The following AFAP1 variants were observed in gnomAD, a reference collection of about 807,000 sequenced individuals.
AFAP1 encodes actin filament associated protein 1.
Under a neutral mutation model 93.9 loss-of-function variants are expected in AFAP1, and 75 were observed. The ratio of observed to expected loss-of-function variants is 0.80; its 90% confidence interval spans 0.66 to 0.97. The LOEUF (loss-of-function observed/expected upper bound fraction) is 0.97, where lower values mean the gene tolerates loss of function less well. Ranked by LOEUF, AFAP1 falls within the 50% of genes least tolerant of loss-of-function variation. The pLI is 0.00. For synonymous variants in AFAP1, 517 were observed against 430.7 expected (o/e 1.20, Z -2.48); for missense variants, 1,201 against 1,050.8 (o/e 1.14, Z -1.98).
At chr4:7,824,152 C>A (rs1721222164) in intron 6 of AFAP1, among the ~76,000 whole-genome samples, 1 of 152,102 alleles carries the variant, frequency 6.6e-6, no homozygotes, top group African/African-American at 2.4e-5. Context: ...AATGAGGCTT[C>A]TATTAATACA....
Position 7,783,038 on chromosome 4 carries a change from T to C in AFAP1, c.1531-1411A>G, listed in dbSNP as rs60474783. Among the ~76,000 whole-genome samples, 629 of 152,320 alleles carry C rather than the reference T, an allele frequency of 4.1e-3. 2 individuals carry two copies. The highest frequency in any genetic ancestry group is 0.015 in the African/African-American group (605 of 41,570). The stretch of plus-strand genomic sequence containing the variant: ...ACAGAAGTTTCTAGTTTAAAGTATG[T>C]GAGTGTGCACACTTTCATCTTAGTC... On this transcript the variant is annotated intron_variant, in intron 12 of 17. Coordinates refer to ENST00000420658, the MANE Select transcript of AFAP1 (RefSeq NM_001134647.2).
intron 7 of AFAP1, among the ~76,000 whole-genome samples, chr4:7,816,504 A>G (rs564016070): frequency 1.3e-5 from 2 of 152,336 alleles, no homozygotes; most frequent in South Asian, 4.1e-4. Context: ...TCATTCACCA[A>G]TAATTAATTG....
At chr4:7,833,116 A>C (rs7434453) in intron 6 of AFAP1, among the ~76,000 whole-genome samples, 102,934 of 152,062 alleles carry the variant, frequency 0.68, 35,360 homozygotes, top group African/African-American at 0.78. Context: ...GACCAAGAAC[A>C]CAAAAGCAAA....
intron 1 of AFAP1, among the ~76,000 whole-genome samples, chr4:7,898,845 CATATATATGTATGTGT>C (rs1394105351): frequency 4.0e-5 from 3 of 74,162 alleles, no homozygotes; most frequent in Non-Finnish European, 9.1e-5. Flanking sequence ...GTGTCTATTT[CATATATATGTATGTGT>C]ATATATATGT....
At chr4:7,848,910 A>G (rs1227058208) in intron 4 of AFAP1, among the ~76,000 whole-genome samples, 1 of 152,190 alleles carries the variant, frequency 6.6e-6, no homozygotes, top group African/African-American at 2.4e-5. Flanking sequence ...TATTCCAGAA[A>G]AAAACTGCAT....
chr4:7,871,857 C>G (rs1449841806), intron 2 of AFAP1, 95 bp downstream of exon 2: 1 of 1,472,164 alleles, frequency 6.8e-7, no homozygotes, highest in African/African-American at 1.4e-5. Flanking sequence ...AGTTAAAGAA[C>G]AAATAAATAT....
At chr4:7,819,000 T>A (rs4447865) in intron 7 of AFAP1, 76 bp downstream of exon 7, 1,034,713 of 1,290,512 alleles carry the variant, frequency 0.8, 416,732 homozygotes, top group African/African-American at 0.92. Context: ...TTCTCAGAGA[T>A]TGTTATCAAA....
chr4:7,894,083 G>C (rs149887856), intron 1 of AFAP1, among the ~76,000 whole-genome samples: 10 of 152,276 alleles, frequency 6.6e-5, no homozygotes, highest in African/African-American at 2.4e-4. Flanking sequence ...ACACTGTCAA[G>C]TTCAAAAATA....
At chr4:7,913,941 A>C (rs150566504) in intron 1 of AFAP1, among the ~76,000 whole-genome samples, 4 of 152,356 alleles carry the variant, frequency 2.6e-5, no homozygotes, top group Middle Eastern at 3.4e-3. Flanking sequence ...GTGATGTTAT[A>C]ATACATGTAA....
At chr4:7,921,123 G>A (rs1365590745) in intron 1 of AFAP1, among the ~76,000 whole-genome samples, 1 of 149,914 alleles carries the variant, frequency 6.7e-6, no homozygotes, top group East Asian at 2.0e-4. Flanking sequence ...AGACCAGGTA[G>A]ATGACCTATC....
In AFAP1 at chr4:7,850,147, T is replaced by G. The variant is rs112038642; in HGVS notation, c.334+5319A>C. Among the ~76,000 whole-genome samples, 817 of 152,300 alleles carry G rather than the reference T, an allele frequency of 5.4e-3. 3 individuals are homozygous for G. Among genetic ancestry groups the G allele is most frequent in the Non-Finnish European group, 7.9e-3 (536 of 68,028 alleles). ...TCCGAGATCTCACTCTAGAGAAATA[T>G]AGTAAGTCATTGAACTTATTTGAGA... On this transcript the variant is annotated intron_variant, in intron 4 of 17. Coordinates refer to ENST00000420658, the MANE Select transcript of AFAP1 (RefSeq NM_001134647.2).
At chr4:7,768,025 GTGATGGCACCACTATA>G (rs1714858264) in intron 17 of AFAP1, among the ~76,000 whole-genome samples, 1 of 152,244 alleles carries the variant, frequency 6.6e-6, no homozygotes, top group African/African-American at 2.4e-5. Flanking sequence ...GTGGTGAGCT[GTGATGGCACCACTATA>G]CTCAGCCTGG....
At chr4:7,814,678 C>A (rs6826765) in intron 8 of AFAP1, among the ~76,000 whole-genome samples, 2,130 of 152,296 alleles carry the variant, frequency 0.014, 53 homozygotes, top group African/African-American at 0.049. Context: ...AAGTCTGCAA[C>A]CGAGATGCTT....
intron 2 of AFAP1, among the ~76,000 whole-genome samples, chr4:7,869,605 A>G (rs774650192): frequency 5.3e-5 from 8 of 152,332 alleles, no homozygotes; most frequent in Non-Finnish European, 1.0e-4. Flanking sequence ...TGCAGGCAGG[A>G]AAGAGGAAGA....
intron 1 of AFAP1, among the ~76,000 whole-genome samples, chr4:7,890,257 T>G (rs1271635587): frequency 6.6e-6 from 1 of 152,138 alleles, no homozygotes; most frequent in Non-Finnish European, 1.5e-5. Flanking sequence ...TTGACAAAGA[T>G]GCCAAGATAA....
chr4:7,858,656 T>C (rs545214679), intron 3 of AFAP1, among the ~76,000 whole-genome samples: 1 of 152,178 alleles, frequency 6.6e-6, no homozygotes, highest in African/African-American at 2.4e-5. Flanking sequence ...AGGCAGGAAA[T>C]AAGAGAGTCT....
chr4:7,913,079 G>C (rs1719858558), intron 1 of AFAP1, among the ~76,000 whole-genome samples: 1 of 152,090 alleles, frequency 6.6e-6, no homozygotes, highest in Non-Finnish European at 1.5e-5. Context: ...GCAACTCCTA[G>C]GCTCAAGTCA....
chr4:7,787,541 T>A (rs1331752405), intron 11 of AFAP1, among the ~76,000 whole-genome samples: 1 of 152,092 alleles, frequency 6.6e-6, no homozygotes. Context: ...TGACGCTGCC[T>A]CCCGGAAGAC....
At chr4:7,890,597 T>C (rs1263261257) in intron 1 of AFAP1, among the ~76,000 whole-genome samples, 1 of 152,104 alleles carries the variant, frequency 6.6e-6, no homozygotes, top group Non-Finnish European at 1.5e-5. Flanking sequence ...AACAACACAC[T>C]GAATACCAAA....
Sources: gnomAD v4.1 joint callset for allele counts (sites outside exome capture counted in the v4.1 genomes callset) on GRCh38, gnomAD v4.1.1 for gene constraint, MANE v1.5 for transcripts, NCBI Gene and HGNC (gene_info 2026-07-23, HGNC 2026-07-21) for gene names.